The following NLRC3 variants were observed in gnomAD, a reference collection of about 807,000 sequenced individuals.
NLRC3 encodes NLR family CARD domain-containing protein 3.
NLRC3 carries 87 observed loss-of-function variants against 91.6 expected under a neutral mutation model. That is an observed-to-expected ratio of 0.95 (90% CI 0.80 to 1.14). The LOEUF is 1.14. NLRC3 is among the 50% of genes most tolerant of loss of function. NLRC3 has a pLI of 0.00. For missense variants in NLRC3, 1,577 were observed against 1,418.6 expected, an observed-to-expected ratio of 1.11 and a Z score of -1.79; for synonymous variants, 694 against 625.3, an observed-to-expected ratio of 1.11 and a Z score of -1.64.
chr16:3,574,196 G>A (rs2040200913), intron 1 of NLRC3, among the ~76,000 whole-genome samples: 1 of 151,434 alleles, frequency 6.6e-6, no homozygotes, highest in South Asian at 2.1e-4. Flanking sequence ...TTGTATTTTT[G>A]TAGAGACAGG....
rs2039788456 is a variant in NLRC3 at position 3,564,593 on chromosome 16, C to A, written c.344G>T (p.Gly115Val). ...DFTQVEATRG[G>V]GHPARTVALD... ...GGCGACGGTCCTGGCGGGGTGCCCG[C>A]CCCCGCGGGTGGCCTCCACCTGTGT... The change falls in exon 5 of 20, where the codon GGC becomes GTC. Residue 115 changes from glycine (G) to valine (V), a missense_variant. Physicochemically the swap from Gly to Val is moderately radical, Grantham distance 109 (BLOSUM62 -3). Transcript: ENST00000359128. This position sits in a 1 kb window ranked among gnomAD's most constrained non-coding sequence, Gnocchi z 5.9. 3.7e-6 allele frequency: 6 copies of A among 1,611,072 alleles called. No individual in the cohort carries two copies. The South Asian group carries it at 6.6e-5, about 18-fold the overall frequency.
chr16:3,571,171 A>G (rs117011019), intron 1 of NLRC3, among the ~76,000 whole-genome samples: 2,394 of 152,338 alleles, frequency 0.016, 27 homozygotes, highest in Non-Finnish European at 0.026. Context: ...TGACCAGCCT[A>G]TGAAAAATAT....
intron 18 of NLRC3, 143 bp from the exon 19 acceptor site, chr16:3,542,417 C>A: frequency 1.5e-6 from 1 of 673,874 alleles, no homozygotes; most frequent in South Asian, 1.7e-5. Flanking sequence ...TGGGAGTTGA[C>A]CCTGGAGACA....
chr16:3,559,534 A>G (rs1445794676), intron 6 of NLRC3, among the ~76,000 whole-genome samples: 2 of 152,204 alleles, frequency 1.3e-5, no homozygotes, highest in Admixed American at 6.6e-5. Flanking sequence ...GCTTTAAGCA[A>G]AACTAAAAGT....
intron 6 of NLRC3, among the ~76,000 whole-genome samples, chr16:3,559,234 G>A (rs1466566981): frequency 1.3e-5 from 2 of 152,158 alleles, no homozygotes; most frequent in Non-Finnish European, 2.9e-5. Flanking sequence ...GACTTTTATG[G>A]CATTTTATAA....
intron 1 of NLRC3, among the ~76,000 whole-genome samples, chr16:3,576,787 C>T (rs1375829196): frequency 6.6e-6 from 1 of 152,094 alleles, no homozygotes; most frequent in African/African-American, 2.4e-5. Context: ...CTCAGCCTCC[C>T]GACTAGCTGG....
rs2039923285 is a variant in NLRC3, at chr16:3,567,341, A to C, written c.-168-17T>G. On this transcript the variant is annotated splice_polypyrimidine_tract_variant and intron_variant, in intron 1 of 19. Transcript: ENST00000359128. ...TCCACAGTTCTAGGAGAAAAAACACAATGTGGCCAGCAGAGGTGATGGCTC... is the reference window on the plus strand; with the variant it reads ...TCCACAGTTCTAGGAGAAAAAACACCATGTGGCCAGCAGAGGTGATGGCTC... 1 of 152,168 alleles carries C rather than the reference A, an allele frequency of 6.6e-6. No individual in the cohort carries two copies. Among genetic ancestry groups the C allele is most frequent in the African/African-American group, 2.4e-5 (1 of 41,430 alleles). 9.4% of individuals were successfully genotyped at this position (152,168 alleles called of 1,614,324 possible). A position where few individuals can be genotyped will look rare whatever the true frequency, so the allele number is the denominator to read the frequency against.
rs547633185 is a variant in NLRC3 at position 3,554,260 on chromosome 16, C to T, written c.2249G>A (p.Arg750Gln). 2.9e-5 allele frequency: 46 copies of T among 1,613,036 alleles called. No homozygotes were observed. The highest frequency in any genetic ancestry group is 1.2e-4 in the South Asian group (11 of 91,044). ...RSMAEALASN[R>Q]TLSMLHLQKN... ...CACTCACTGCAGCATGGAGAGGGTC[C>T]GGTTGGAGGCCAAGGCCTCAGCCAT... The change falls in exon 9 of 20, where the codon CGG (arginine) becomes CAG (glutamine). Residue 750 changes from arginine to glutamine, a missense_variant. By Grantham distance (43) the Arg-to-Gln change is conservative (BLOSUM62 1). Transcript: ENST00000359128.
chr16:3,546,035 C>T (rs993785619), intron 15 of NLRC3, among the ~76,000 whole-genome samples: 5 of 152,130 alleles, frequency 3.3e-5, no homozygotes, highest in South Asian at 4.2e-4. Context: ...GGGCAGTGGA[C>T]GCAGAGGGAA....
Position 3,564,090 on chromosome 16 carries a change from T to C in NLRC3, c.847A>G (p.Met283Val). Residue 283 changes from methionine to valine, a missense_variant, in exon 5 of 20, where the codon ATG (methionine) becomes GTG (valine). Met to Val is a conservative substitution (Grantham distance 21, BLOSUM62 1). Transcript: ENST00000359128. The surrounding 1 kb of genome is among the most constrained non-coding windows in gnomAD (Gnocchi z 5.9). ...GQIPGGLVDR[M>V]TEIRGFNEEE... The stretch of plus-strand genomic sequence containing the variant: ...TCGTTAAAGCCCCGGATCTCCGTCA[T>C]CCGGTCCACCAGGCCCCCTGGGATC... The C allele has an allele frequency of 6.2e-7, 1 of 1,613,556 alleles. No individual in the cohort carries two copies. Among genetic ancestry groups the C allele is most frequent in the South Asian group, 1.1e-5 (1 of 91,088 alleles).
chr16:3,559,873 C>A (rs2039526676), intron 6 of NLRC3, among the ~76,000 whole-genome samples: 1 of 151,832 alleles, frequency 6.6e-6, no homozygotes, highest in South Asian at 2.1e-4. Flanking sequence ...GAACTCCTGA[C>A]CTCAAGTGAT....
chr16:3,550,634 T>A (rs1483843600), intron 10 of NLRC3, 137 bp from the exon 11 acceptor site: 2 of 644,608 alleles, frequency 3.1e-6, no homozygotes, highest in Admixed American at 5.3e-5. Context: ...CAGTTTGTTC[T>A]GCCTGAGGCC....
rs568462104 is a variant in NLRC3 at position 3,563,545 on chromosome 16, G to A, written c.1392C>T (p.Ala464=). 1.3e-4 allele frequency: 213 copies of A among 1,610,250 alleles called. No homozygotes were observed. Among genetic ancestry groups the A allele is most frequent in the Non-Finnish European group, 1.7e-4 (195 of 1,178,650 alleles). Residue 464 remains alanine, a synonymous_variant, in exon 5 of 20, where the codon GCC becomes GCT. Coordinates refer to ENST00000359128, the MANE Select transcript of NLRC3 (RefSeq NM_178844.4). ...TCCTGGATGCGCCATAGTAATACGC[G>A]GCTGCCACAAACTCCTGCAGGGACA... ...THLSLQEFVA[A]AYYYGASRRA...
chr16:3,564,373 C>T lies in NLRC3; in HGVS notation c.564G>A (p.Leu188=). 6.2e-7 allele frequency: 1 copy of T among 1,612,438 alleles called. No homozygotes were observed. The highest frequency in any genetic ancestry group is 8.5e-7 in the Non-Finnish European group (1 of 1,179,836). The change falls in exon 5 of 20, where the codon CTG becomes CTA. Residue 188 remains leucine (L), a synonymous_variant. Coordinates refer to ENST00000359128, the MANE Select transcript of NLRC3 (RefSeq NM_178844.4). This position sits in a 1 kb window ranked among gnomAD's most constrained non-coding sequence, Gnocchi z 5.9. ...CCGAGCAGATGAGTCGGTCGGCACA[C>T]AGCTTCTCGTGGGTGTTGAGATCCC... ...TFRDLNTHEK[L]CADRLICSVF...
chr16:3,551,968 T>G (rs2039033058), intron 10 of NLRC3, among the ~76,000 whole-genome samples: 1 of 145,130 alleles, frequency 6.9e-6, no homozygotes, highest in African/African-American at 2.6e-5. Context: ...CACTCATCAG[T>G]GTATCCCTTC....
rs1255400704 is a variant in NLRC3 at position 3,539,940 on chromosome 16, G to A, written c.*1885C>T. The A allele has an allele frequency of 6.6e-6, 1 of 152,170 alleles. No individual in the cohort carries two copies. The highest frequency in any genetic ancestry group is 6.5e-5 in the Admixed American group (1 of 15,282). The allele number at this position is 152,170 out of a possible 1,614,324, so 9.4% of individuals were successfully genotyped here. A position where few individuals can be genotyped will look rare whatever the true frequency, so the allele number is the denominator to read the frequency against. ...TTGATGAGGTCAGGCCATTTATTCT[G>A]CAGAATATCTGTCAATTTGGATTTT... On this transcript the variant is annotated 3_prime_UTR_variant, in exon 20 of 20. Coordinates refer to ENST00000359128, the MANE Select transcript of NLRC3 (RefSeq NM_178844.4).
chr16:3,556,132 C>G (rs1257300190), intron 8 of NLRC3, among the ~76,000 whole-genome samples: 2 of 149,272 alleles, frequency 1.3e-5, no homozygotes, highest in Non-Finnish European at 3.0e-5. Context: ...AGCTCGAGAC[C>G]AGCCTGGTCA....
Position 3,563,282 on chromosome 16 carries a change from C to A in NLRC3, c.1655G>T (p.Gly552Val). The change falls in exon 5 of 20, where the codon GGC becomes GTC. Residue 552 changes from glycine (G) to valine (V), a missense_variant. By Grantham distance (109) the Gly-to-Val change is moderately radical (BLOSUM62 -3). Coordinates refer to ENST00000359128, the MANE Select transcript of NLRC3 (RefSeq NM_178844.4). ...YRTQVAELLQ[G>V]CLRPDAAVCA... Reference sequence around the variant, plus strand: ...GACTGCGGCATCGGGGCGCAGGCAGCCCTGCAGGAGCTCAGCCACCTGGGT... The same window carrying A: ...GACTGCGGCATCGGGGCGCAGGCAGACCTGCAGGAGCTCAGCCACCTGGGT... 6.2e-7 allele frequency: 1 copy of A among 1,604,220 alleles called. No homozygotes were observed.
Position 3,541,536 on chromosome 16 carries a change from C to T in NLRC3, c.*289G>A, listed in dbSNP as rs371549842. The T allele has an allele frequency of 1.2e-5, 5 of 433,166 alleles. No homozygotes were observed. Among genetic ancestry groups the T allele is most frequent in the African/African-American group, 6.0e-5 (3 of 50,328 alleles). The allele number at this position is 433,166 out of a possible 1,614,324, so 26.8% of individuals were successfully genotyped here. A position where few individuals can be genotyped will look rare whatever the true frequency, so the allele number is the denominator to read the frequency against. ...CAGGGTGTAAAGCTGGAACCAGCCT[C>T]CTGTACTGCTCAGCTTTCAGGCCTT... On this transcript the variant is annotated 3_prime_UTR_variant, in exon 20 of 20. Transcript: ENST00000359128.
Sources: allele counts gnomAD v4.1 joint callset (sites outside exome capture counted in the v4.1 genomes callset), GRCh38; gene constraint gnomAD v4.1.1; non-coding constraint Gnocchi (gnomAD v3.1); transcripts MANE v1.5; gene names NCBI Gene and HGNC (gene_info 2026-07-23, HGNC 2026-07-21).